Variants in CPSF2 observed in about 807,000 individuals in gnomAD.
CPSF2 encodes cleavage and polyadenylation specificity factor subunit 2.
CPSF2 carries 51 observed loss-of-function variants against 84.2 expected under a neutral mutation model. The observed-to-expected ratio is 0.61, with a 90% CI of 0.48 to 0.77. The LOEUF (loss-of-function observed/expected upper bound fraction) is 0.77, where lower values mean the gene tolerates loss of function less well. CPSF2 is among the 30% of genes least tolerant of loss of function. The probability of loss-of-function intolerance (pLI) is 0.00; values close to 1 mark genes in which losing one functional copy is unlikely to be tolerated. For synonymous variants in CPSF2, 286 were observed against 311.9 expected, an observed-to-expected ratio of 0.92 and a Z score of 0.87; for missense variants, 641 against 929.4, an observed-to-expected ratio of 0.69 and a Z score of 4.03.
intron 1 of CPSF2, among the ~76,000 whole-genome samples, chr14:92,123,573 GT>G (rs1184437079): frequency 6.6e-6 from 1 of 151,804 alleles, no homozygotes; most frequent in African/African-American, 2.4e-5. Context: ...ACTTTTTTGT[GT>G]TTTTAGTAGA....
chr14:92,154,307 C>T (rs1004520801), intron 9 of CPSF2, 51 bp from the exon 10 acceptor site: 2 of 1,313,646 alleles, frequency 1.5e-6, no homozygotes, highest in Non-Finnish European at 2.1e-6. Context: ...CTGCTTTAAC[C>T]CCCTAATATT....
At chr14:92,159,363 C>G in intron 14 of CPSF2, 81 bp downstream of exon 14, 27 of 1,117,158 alleles carry the variant, frequency 2.4e-5, no homozygotes, top group Middle Eastern at 2.3e-4. Context: ...TTTTTTCCCC[C>G]CTTCTAAAAC....
Position 92,161,176 on chromosome 14 carries a change from T to G in CPSF2, c.2186T>G (p.Leu729Ter). The change falls in exon 15 of 16, where the codon TTA (leucine) becomes TGA (stop). Residue 729 changes from leucine (L) to a stop codon, truncating the protein, a stop_gained. Transcript: ENST00000298875. LOFTEE classifies it high-confidence loss of function. Reference protein sequence around the residue: ...PRLSDFKQVLLREGIQAEFVG... With the variant: ...PRLSDFKQVL ...CTGTCAGACTTCAAGCAAGTTCTCT[T>G]ACGGGAGGGGATTCAAGCTGAATTT... 6.2e-7 allele frequency: 1 copy of G among 1,614,004 alleles called. No homozygotes were observed.
Position 92,164,464 on chromosome 14 carries a change from A to G in CPSF2, c.*2720A>G, listed in dbSNP as rs961881940. The G allele has an allele frequency of 1.3e-5, 2 of 152,242 alleles. No individual in the cohort carries two copies. Among genetic ancestry groups the G allele is most frequent in the Admixed American group, 6.5e-5 (1 of 15,288 alleles). The allele number at this position is 152,242 out of a possible 1,614,324, so 9.4% of individuals were successfully genotyped here. A position where few individuals can be genotyped will look rare whatever the true frequency, so the allele number is the denominator to read the frequency against. ...GAAAATATAAATTTTAAAGATGACT[A>G]TGAGATAAATCATGAACTCAGTGGA... On this transcript the variant is annotated 3_prime_UTR_variant, in exon 16 of 16. Coordinates refer to ENST00000298875, the MANE Select transcript of CPSF2 (RefSeq NM_017437.3).
At chr14:92,147,422 T>C (rs1242140508) in intron 9 of CPSF2, among the ~76,000 whole-genome samples, 1 of 151,780 alleles carries the variant, frequency 6.6e-6, no homozygotes, top group Non-Finnish European at 1.5e-5. Flanking sequence ...GGTGAAGGAG[T>C]AGGAAGAAAA....
chr14:92,155,565 G>A (rs1391460584), intron 11 of CPSF2, among the ~76,000 whole-genome samples: 1 of 152,136 alleles, frequency 6.6e-6, no homozygotes, highest in Non-Finnish European at 1.5e-5. Context: ...GTTGTGTAAA[G>A]GTTTAAAAAC....
At chr14:92,141,948 TGA>T (rs1241617571) in intron 7 of CPSF2, among the ~76,000 whole-genome samples, 3 of 152,130 alleles carry the variant, frequency 2.0e-5, no homozygotes, top group East Asian at 3.8e-4. Context: ...GAAGAAAGAT[TGA>T]GAGTTAATGA....
chr14:92,165,709 A>G lies in CPSF2; in HGVS notation c.*3965A>G, dbSNP rs1278079988. The G allele has an allele frequency of 2.6e-5, 4 of 151,932 alleles. No individual in the cohort carries two copies. Among genetic ancestry groups the G allele is most frequent in the Admixed American group, 6.6e-5 (1 of 15,230 alleles). The allele number at this position is 151,932 out of a possible 1,614,324, so 9.4% of individuals were successfully genotyped here. A position where few individuals can be genotyped will look rare whatever the true frequency, so the allele number is the denominator to read the frequency against. On this transcript the variant is annotated 3_prime_UTR_variant, in exon 16 of 16. Coordinates refer to ENST00000298875, the MANE Select transcript of CPSF2 (RefSeq NM_017437.3). ...TATATTTTCTGGATACTAAACCATT[A>G]TATATTGATTTGCAAGTATTTTATT...
chr14:92,146,247 C>T (rs957799616), intron 9 of CPSF2, among the ~76,000 whole-genome samples: 47 of 152,166 alleles, frequency 3.1e-4, no homozygotes, highest in Admixed American at 2.7e-3. Flanking sequence ...GAGGGCTGGG[C>T]GTGGTGGCTC....
chr14:92,145,661 A>C (rs978846297), intron 9 of CPSF2, among the ~76,000 whole-genome samples: 1 of 152,234 alleles, frequency 6.6e-6, no homozygotes, highest in African/African-American at 2.4e-5. Flanking sequence ...ATTTCATCAG[A>C]TAGGAAATAC....
chr14:92,146,996 C>G (rs973823719), intron 9 of CPSF2, among the ~76,000 whole-genome samples: 91 of 152,208 alleles, frequency 6.0e-4, no homozygotes, highest in African/African-American at 2.0e-3. Flanking sequence ...AAATACCTGC[C>G]TGGTTTAGCT....
In CPSF2 at chr14:92,161,671, G is replaced by T; in HGVS notation, c.2276G>T (p.Gly759Val). Residue 759 changes from glycine (G) to valine (V), a missense_variant, in exon 16 of 16, where the codon GGA becomes GTA. Gly to Val is a moderately radical substitution (Grantham distance 109). This residue lies in a region of CPSF2 where 430 missense variants were observed against 553.6 expected (regional missense o/e 0.78). Transcript: ENST00000298875. ...TTCTAGACGGAAACTGGACGCATTGGATTAGAAGGCTGCCTTTGTCAAGAT... is the reference window on the plus strand; with the variant it reads ...TTCTAGACGGAAACTGGACGCATTGTATTAGAAGGCTGCCTTTGTCAAGAT... ...AVRRTETGRI[G>V]LEGCLCQDFY... 1 of 1,592,632 alleles carries T rather than the reference G, an allele frequency of 6.3e-7. No individual in the cohort carries two copies. The highest frequency in any genetic ancestry group is 8.5e-7 in the Non-Finnish European group (1 of 1,173,910).
rs1203482223 is a variant in CPSF2, at chr14:92,171,183, G to C, written c.*9439G>C. The C allele has an allele frequency of 1.3e-5, 2 of 152,092 alleles. No homozygotes were observed. The highest frequency in any genetic ancestry group is 2.9e-5 in the Non-Finnish European group (2 of 68,048). The allele number at this position is 152,092 out of a possible 1,614,324, so 9.4% of individuals were successfully genotyped here. On this transcript the variant is annotated 3_prime_UTR_variant, in exon 16 of 16. Coordinates refer to ENST00000298875, the MANE Select transcript of CPSF2 (RefSeq NM_017437.3). The stretch of plus-strand genomic sequence containing the variant: ...GCTCTGTTGCCCAGGCTACAGTGCA[G>C]TGATGAGATCATAGCCCACTGCAGC...
At chr14:92,153,753 G>A (rs1313095102) in intron 9 of CPSF2, among the ~76,000 whole-genome samples, 3 of 150,508 alleles carry the variant, frequency 2.0e-5, no homozygotes, top group Non-Finnish European at 4.4e-5. Context: ...ACCCAGGCTG[G>A]AGTACAGTGG....
At chr14:92,142,510 A>G (rs1181984151) in intron 8 of CPSF2, among the ~76,000 whole-genome samples, 159 bp downstream of exon 8, 1 of 152,214 alleles carries the variant, frequency 6.6e-6, no homozygotes, top group Non-Finnish European at 1.5e-5. Context: ...TGTGCTTTAA[A>G]TGTATTATTT....
chr14:92,133,419 TAAA>T (rs953146049), intron 3 of CPSF2, among the ~76,000 whole-genome samples: 1 of 147,980 alleles, frequency 6.8e-6, no homozygotes, highest in African/African-American at 2.5e-5. Context: ...AAACTCCATC[TAAA>T]AAAAGAAAAT....
intron 6 of CPSF2, among the ~76,000 whole-genome samples, chr14:92,136,734 T>A (rs2069004788): frequency 1.3e-5 from 2 of 152,218 alleles, no homozygotes; most frequent in Non-Finnish European, 2.9e-5. Flanking sequence ...GCATTCGTCC[T>A]CCTTCGTTCA....
Position 92,157,730 on chromosome 14 carries a change from T to G in CPSF2, c.1667T>G (p.Met556Arg). The change falls in exon 13 of 16, where the codon ATG (methionine) becomes AGG (arginine). Residue 556 changes from methionine (M) to arginine (R), a missense_variant. By Grantham distance (91) the Met-to-Arg change is moderately conservative. This residue lies in a region of CPSF2 where 430 missense variants were observed against 553.6 expected (regional missense o/e 0.78). Coordinates refer to ENST00000298875, the MANE Select transcript of CPSF2 (RefSeq NM_017437.3). This position sits in a 1 kb window ranked among gnomAD's most constrained non-coding sequence, Gnocchi z 4.0. ...GDSIKKIINQ[M>R]KPRQLIIVHG... ...TCCATTAAAAAAATCATTAATCAGA[T>G]GAAACCACGACAGTTGATCATCGTC... 1 of 1,614,058 alleles carries G rather than the reference T, an allele frequency of 6.2e-7. No individual in the cohort carries two copies. The highest frequency in any genetic ancestry group is 8.5e-7 in the Non-Finnish European group (1 of 1,180,004).
intron 13 of CPSF2, among the ~76,000 whole-genome samples, chr14:92,158,749 G>A (rs1461094814): frequency 1.3e-5 from 2 of 152,066 alleles, no homozygotes; most frequent in East Asian, 1.9e-4. Flanking sequence ...TGTTTTAATT[G>A]CCATGTGATT....
Sources: allele counts gnomAD v4.1 joint callset (sites outside exome capture counted in the v4.1 genomes callset), GRCh38; gene constraint gnomAD v4.1.1; regional missense constraint gnomAD v4.1.1; non-coding constraint Gnocchi (gnomAD v3.1); transcripts MANE v1.5; gene names NCBI Gene and HGNC (gene_info 2026-07-23, HGNC 2026-07-21).